The following BICD1 variants were observed in gnomAD, a reference collection of about 807,000 sequenced individuals.
The protein encoded by BICD1 is BICD cargo adaptor 1, also known as protein bicaudal D homolog 1.
In BICD1, 35 loss-of-function variants were observed where a neutral mutation model predicts 92.5. The ratio of observed to expected loss-of-function variants is 0.38; its 90% CI spans 0.29 to 0.50. The LOEUF is 0.50. BICD1 is among the 20% of genes least tolerant of loss of function. BICD1 has a pLI of 0.93. For synonymous variants in BICD1, 429 were observed against 465.1 expected (o/e 0.92, Z 1.00); for missense variants, 950 against 1,189.8 (o/e 0.80, Z 2.97).
intron 1 of BICD1, among the ~76,000 whole-genome samples, chr12:32,208,328 G>A (rs970802705): frequency 9.2e-5 from 14 of 152,170 alleles, no homozygotes; most frequent in Admixed American, 6.5e-5. Flanking sequence ...TTATACCAAG[G>A]TCTGTTCCAA....
chr12:32,166,338 G>A (rs914688037), intron 1 of BICD1, among the ~76,000 whole-genome samples: 2 of 151,564 alleles, frequency 1.3e-5, no homozygotes, highest in Non-Finnish European at 2.9e-5. Flanking sequence ...GTTTCACCAC[G>A]TTGGTCAGGC....
intron 1 of BICD1, among the ~76,000 whole-genome samples, chr12:32,139,970 TG>T (rs1285230309): frequency 6.6e-6 from 1 of 152,232 alleles, no homozygotes; most frequent in Admixed American, 6.5e-5. Flanking sequence ...CAGAACCATC[TG>T]TCCGTGTACC....
intron 8 of BICD1, chr12:32,339,355 G>A (rs967925499): frequency 1.0e-5 from 10 of 995,480 alleles, no homozygotes; most frequent in Admixed American, 1.2e-4. Flanking sequence ...TGTAATTTCC[G>A]TAAAGGGAGA....
At chr12:32,253,747 G>A (rs1018070621) in intron 2 of BICD1, among the ~76,000 whole-genome samples, 1 of 152,108 alleles carries the variant, frequency 6.6e-6, no homozygotes, top group African/African-American at 2.4e-5. Flanking sequence ...CTTGTGGACT[G>A]GAACCACACC....
At chr12:32,357,402 C>T (rs1939158033) in intron 8 of BICD1, among the ~76,000 whole-genome samples, 1 of 152,090 alleles carries the variant, frequency 6.6e-6, no homozygotes, top group South Asian at 2.1e-4. Flanking sequence ...TTTAATTCAA[C>T]TCTTGGATTG....
intron 1 of BICD1, among the ~76,000 whole-genome samples, chr12:32,156,230 T>G (rs1943432797): frequency 6.6e-6 from 1 of 152,204 alleles, no homozygotes; most frequent in Non-Finnish European, 1.5e-5. Flanking sequence ...CAGCGTTTCA[T>G]ATGCAGTGTC....
intron 2 of BICD1, among the ~76,000 whole-genome samples, chr12:32,233,111 C>A (rs917828392): frequency 6.6e-6 from 1 of 152,042 alleles, no homozygotes; most frequent in Non-Finnish European, 1.5e-5. Flanking sequence ...CACTTGAGGT[C>A]AAGAATTCGA....
chr12:32,167,708 G>C (rs186894123), intron 1 of BICD1, among the ~76,000 whole-genome samples: 516 of 152,244 alleles, frequency 3.4e-3, no homozygotes, highest in South Asian at 0.011. Context: ...TGCCCACCTT[G>C]GCCTCCCAAA....
Position 32,146,711 on chromosome 12 carries a change from G to A in BICD1, c.213+39167G>A, listed in dbSNP as rs571492635. ...AGAGCCCACGAAGTGTGGCCAGAGA[G>A]CAGTGATGAGGAGGATTACCGAGTG... On this transcript the variant is annotated intron_variant, in intron 1 of 9. Coordinates refer to ENST00000652176, the MANE Select transcript of BICD1 (RefSeq NM_001714.4). Among the ~76,000 whole-genome samples the A allele has an allele frequency of 9.3e-4, 141 of 152,282 alleles. 1 individual carries two copies. Among genetic ancestry groups the A allele is most frequent in the Non-Finnish European group, 8.5e-4 (58 of 68,014 alleles).
At chr12:32,323,538 A>G (rs1214718746) in intron 4 of BICD1, among the ~76,000 whole-genome samples, 1 of 152,234 alleles carries the variant, frequency 6.6e-6, no homozygotes, top group Non-Finnish European at 1.5e-5. Context: ...CTCTGATGCC[A>G]CAGGCCCAGT....
At position 32,215,328 on chromosome 12, in the gene BICD1, G is replaced by A. The variant is rs771031001; in HGVS notation, c.214-919G>A. 2.3e-4 allele frequency among the ~76,000 whole-genome samples: 35 copies of A among 152,040 alleles called. 1 individual carries two copies. Among genetic ancestry groups the A allele is most frequent in the African/African-American group, 3.9e-4 (16 of 41,352 alleles). On this transcript the variant is annotated intron_variant, in intron 1 of 9. Coordinates refer to ENST00000652176, the MANE Select transcript of BICD1 (RefSeq NM_001714.4). ...GTCTCCCATTCTTCCCATCTACCCC[G>A]TAAGTGACCAGTTTAGTTTCTACTT...
chr12:32,119,322 G>A (rs1002471794), intron 1 of BICD1, among the ~76,000 whole-genome samples: 1 of 152,188 alleles, frequency 6.6e-6, no homozygotes, highest in Non-Finnish European at 1.5e-5. Context: ...ATATCTCCCT[G>A]AGGTCTTCTC....
At chr12:32,280,999 A>C (rs1175885708) in intron 2 of BICD1, among the ~76,000 whole-genome samples, 1 of 152,232 alleles carries the variant, frequency 6.6e-6, no homozygotes, top group African/African-American at 2.4e-5. Context: ...AACATATTAA[A>C]GGTTCTGAGA....
rs766680668 is a variant in BICD1 at position 32,367,672 on chromosome 12, T to A, written c.2767T>A (p.Cys923Ser). Residue 923 changes from cysteine (C) to serine (S), a missense_variant and splice_region_variant, in exon 9 of 10, where the codon TGT (cysteine) becomes AGT (serine). By Grantham distance (112) the Cys-to-Ser change is moderately radical. Around this residue, in one of 5 missense-constraint regions of BICD1, gnomAD observed 179 missense variants for 186.7 expected, o/e 0.96. Transcript: ENST00000652176. ...EKRLTVAPPD[C>S]QQPAASVPPQ... The stretch of plus-strand genomic sequence containing the variant: ...TCTAATTTATCAGTTTCTTGTAGAT[T>A]GTCAGCAGCCTGCTGCCTCCGTACC... 1.9e-6 allele frequency: 3 copies of A among 1,613,912 alleles called. No individual in the cohort carries two copies. In the East Asian group the frequency reaches 6.7e-5, roughly 36 times the overall value.
chr12:32,315,547 A>C (rs1239608), intron 4 of BICD1, among the ~76,000 whole-genome samples: 115,256 of 152,034 alleles, frequency 0.76, 43,920 homozygotes, highest in East Asian at 0.86. Flanking sequence ...ATATGTAAAT[A>C]AATTTGGGTA....
chr12:32,125,493 T>A (rs945595100), intron 1 of BICD1, among the ~76,000 whole-genome samples: 2 of 152,158 alleles, frequency 1.3e-5, no homozygotes, highest in Non-Finnish European at 2.9e-5. Flanking sequence ...ACACTGTATA[T>A]CATGAGAAAA....
chr12:32,287,730 G>A (rs1947611196), intron 2 of BICD1, among the ~76,000 whole-genome samples: 1 of 152,106 alleles, frequency 6.6e-6, no homozygotes, highest in African/African-American at 2.4e-5. Flanking sequence ...GTAGAAACGA[G>A]GTTTCACCGT....
At chr12:32,218,068 A>G (rs1277435515) in intron 2 of BICD1, among the ~76,000 whole-genome samples, 2 of 152,244 alleles carry the variant, frequency 1.3e-5, no homozygotes, top group Non-Finnish European at 2.9e-5. Context: ...TAGCAGCTGC[A>G]GCTGAGCCAA....
intron 1 of BICD1, among the ~76,000 whole-genome samples, chr12:32,114,116 C>T (rs1368957006): frequency 1.3e-5 from 2 of 152,154 alleles, no homozygotes; most frequent in East Asian, 3.9e-4. Context: ...CGTGATCCAC[C>T]CACCTTGGCC....
Sources: gnomAD v4.1 joint callset for allele counts (sites outside exome capture counted in the v4.1 genomes callset) on GRCh38, gnomAD v4.1.1 for gene constraint, gnomAD v4.1.1 regional missense constraint, MANE v1.5 for transcripts, NCBI Gene and HGNC (gene_info 2026-07-23, HGNC 2026-07-21) for gene names.